Variants in RGMA observed in about 807,000 individuals in gnomAD.
RGMA encodes the protein repulsive guidance molecule A.
A neutral mutation model predicts 23.2 loss-of-function variants in RGMA; 10 were observed. That is an observed-to-expected ratio of 0.43 (90% CI 0.27 to 0.73). The LOEUF (loss-of-function observed/expected upper bound fraction) is 0.73, where lower values mean the gene tolerates loss of function less well. Among genes scored for constraint, RGMA ranks in the 30% least tolerant of loss-of-function variants. The pLI is 0.20. For synonymous variants in RGMA, 308 were observed against 279.3 expected (o/e 1.10, Z -1.03); for missense variants, 547 against 630.5 (o/e 0.87, Z 1.42).
rs1000597333 is a variant in RGMA at position 93,041,058 on chromosome 15, G to A, written c.*3940C>T. 1 of 152,228 alleles carries A rather than the reference G, an allele frequency of 6.6e-6. No homozygotes were observed. Among genetic ancestry groups the A allele is most frequent in the Non-Finnish European group, 1.5e-5 (1 of 68,076 alleles). 9.4% of individuals were successfully genotyped at this position (152,228 alleles called of 1,614,324 possible). On this transcript the variant is annotated 3_prime_UTR_variant, in exon 4 of 4. Coordinates refer to ENST00000329082, the MANE Select transcript of RGMA (RefSeq NM_020211.3). The stretch of plus-strand genomic sequence containing the variant: ...AGCCCAAGTGCCACCCCTGCTCCAT[G>A]CCACTTGCTGGCACAGCTCTGATGA...
In RGMA at chr15:93,045,238, C is replaced by A; in HGVS notation, c.1113G>T (p.Glu371Asp). Residue 371 changes from glutamate (E) to aspartate (D), a missense_variant, in exon 4 of 4, where the codon GAG (glutamate) becomes GAT (aspartate). Around this residue, in one of 3 missense-constraint regions of RGMA, gnomAD observed 205 missense variants for 204.1 expected, o/e 1.00. Coordinates refer to ENST00000329082, the MANE Select transcript of RGMA (RefSeq NM_020211.3). The surrounding 1 kb of genome is among the most constrained non-coding windows in gnomAD (Gnocchi z 6.9). Reference sequence around the variant, plus strand: ...AGACGCAGGCCTGGTAGTACAGGTCCTCCACCGGCAGCTTCTCCTTGCACT... The same window carrying A: ...AGACGCAGGCCTGGTAGTACAGGTCATCCACCGGCAGCTTCTCCTTGCACT... ...VAKCKEKLPV[E>D]DLYYQACVFD... 1 of 1,613,030 alleles carries A rather than the reference C, an allele frequency of 6.2e-7. No individual in the cohort carries two copies. Among genetic ancestry groups the A allele is most frequent in the South Asian group, 1.1e-5 (1 of 90,932 alleles).
At chr15:93,082,170 G>C (rs1596108325) in intron 1 of RGMA, among the ~76,000 whole-genome samples, 3 of 152,206 alleles carry the variant, frequency 2.0e-5, no homozygotes, top group Admixed American at 2.0e-4. Context: ...TTTATATCAT[G>C]GACAGGAACT....
intron 2 of RGMA, among the ~76,000 whole-genome samples, chr15:93,059,924 G>C (rs1472022471): frequency 6.6e-6 from 1 of 152,224 alleles, no homozygotes; most frequent in Non-Finnish European, 1.5e-5. Context: ...AGGAAAGTTT[G>C]AGCTGAAAAA....
intron 3 of RGMA, among the ~76,000 whole-genome samples, chr15:93,046,450 A>G (rs1169597782): frequency 6.6e-6 from 1 of 152,178 alleles, no homozygotes; most frequent in Non-Finnish European, 1.5e-5. Context: ...CAATTATAAA[A>G]CATTTCTGTT....
Position 93,037,619 on chromosome 15 carries a change from T to C in RGMA, c.*7379A>G, listed in dbSNP as rs1479593357. On this transcript the variant is annotated 3_prime_UTR_variant, in exon 4 of 4. Coordinates refer to ENST00000329082, the MANE Select transcript of RGMA (RefSeq NM_020211.3). This position sits in a 1 kb window ranked among gnomAD's most constrained non-coding sequence, Gnocchi z 4.3. ...GCCCCTTCTCTGTAACAGCTGACGC[T>C]GGCCTTGTTGCACAGATGGAGCTCA... The C allele has an allele frequency of 1.3e-5, 2 of 152,294 alleles. No individual in the cohort carries two copies. Among genetic ancestry groups the C allele is most frequent in the African/African-American group, 2.4e-5 (1 of 41,464 alleles). The allele number at this position is 152,294 out of a possible 1,614,324, so 9.4% of individuals were successfully genotyped here.
chr15:93,067,093 G>C (rs993468002), intron 2 of RGMA, among the ~76,000 whole-genome samples: 1 of 152,212 alleles, frequency 6.6e-6, no homozygotes, highest in Non-Finnish European at 1.5e-5. Flanking sequence ...TGGAGAGAAG[G>C]ATATAAAGGT....
chr15:93,067,545 T>G (rs1339128136), intron 2 of RGMA, among the ~76,000 whole-genome samples: 1 of 151,398 alleles, frequency 6.6e-6, no homozygotes, highest in Non-Finnish European at 1.5e-5. Context: ...AGGTAACAGG[T>G]GTCCCCGGCG....
At chr15:93,047,179 G>C (rs533308743) in intron 3 of RGMA, among the ~76,000 whole-genome samples, 1 of 152,338 alleles carries the variant, frequency 6.6e-6, no homozygotes, top group Non-Finnish European at 1.5e-5. Flanking sequence ...AGGAGGGCCG[G>C]TGGCCAGGGG....
chr15:93,064,652 G>C (rs770911081), intron 2 of RGMA, among the ~76,000 whole-genome samples: 27 of 152,378 alleles, frequency 1.8e-4, no homozygotes, highest in Admixed American at 1.1e-3. Flanking sequence ...CCTAGGTGCG[G>C]AGGCATCACT....
In RGMA at chr15:93,073,468, C is replaced by G. The variant is rs982594437; in HGVS notation, c.15-437G>C. Reference sequence around the variant, plus strand: ...CAGGCCCAGCACCCTTGGGAGGCCGCAGGGCATGAGGCGGGGCAGGACGCC... The same window carrying G: ...CAGGCCCAGCACCCTTGGGAGGCCGGAGGGCATGAGGCGGGGCAGGACGCC... On this transcript the variant is annotated intron_variant, in intron 1 of 3. Coordinates refer to ENST00000329082, the MANE Select transcript of RGMA (RefSeq NM_020211.3). 5 of 1,094,618 alleles carry G rather than the reference C, an allele frequency of 4.6e-6. No individual in the cohort carries two copies. In the African/African-American group the frequency reaches 7.9e-5, roughly 17 times the overall value. 67.8% of individuals were successfully genotyped at this position (1,094,618 alleles called of 1,614,324 possible). A position where few individuals can be genotyped will look rare whatever the true frequency, so the allele number is the denominator to read the frequency against.
intron 3 of RGMA, among the ~76,000 whole-genome samples, chr15:93,050,015 A>T (rs1027522904): frequency 6.6e-6 from 1 of 151,712 alleles, no homozygotes; most frequent in African/African-American, 2.4e-5. Flanking sequence ...TTGGATGTCG[A>T]CTCCTCTGTT....
chr15:93,066,457 C>A (rs956812390), intron 2 of RGMA: 1 of 580,632 alleles, frequency 1.7e-6, no homozygotes, highest in Non-Finnish European at 3.2e-6. Context: ...CGGGTTGCCA[C>A]GGGTGCGGGG....
At chr15:93,081,026 G>C (rs547360893) in intron 1 of RGMA, among the ~76,000 whole-genome samples, 2 of 152,180 alleles carry the variant, frequency 1.3e-5, no homozygotes, top group African/African-American at 2.4e-5. Flanking sequence ...TTTATGAATT[G>C]CTTAATTGTC....
At chr15:93,069,064 T>C (rs1895241333) in intron 2 of RGMA, among the ~76,000 whole-genome samples, 1 of 152,158 alleles carries the variant, frequency 6.6e-6, no homozygotes, top group South Asian at 2.1e-4. Context: ...AAAGTCCTAC[T>C]GGGAGAGCAA....
At position 93,040,645 on chromosome 15, in the gene RGMA, T is replaced by C. The variant is rs1039007623; in HGVS notation, c.*4353A>G. The C allele has an allele frequency of 6.6e-6, 1 of 152,206 alleles. No homozygotes were observed. Among genetic ancestry groups the C allele is most frequent in the Non-Finnish European group, 1.5e-5 (1 of 68,064 alleles). The allele number at this position is 152,206 out of a possible 1,614,324, so 9.4% of individuals were successfully genotyped here. On this transcript the variant is annotated 3_prime_UTR_variant, in exon 4 of 4. Transcript: ENST00000329082. ...CTTCCCTTTTCTCTGTGGAGCTCGT[T>C]ACCATGGGACCCTGGGTTTTGTAAC...
chr15:93,043,234 G>GCACA lies in RGMA; in HGVS notation c.*1763_*1764insTGTG. The GCACA allele has an allele frequency of 4.0e-5, 1 of 25,296 alleles. No individual in the cohort carries two copies. Among genetic ancestry groups the GCACA allele is most frequent in the African/African-American group, 1.1e-4 (1 of 9,494 alleles). 1.6% of individuals were successfully genotyped at this position (25,296 alleles called of 1,614,324 possible). A position where few individuals can be genotyped will look rare whatever the true frequency, so the allele number is the denominator to read the frequency against. On this transcript the variant is annotated 3_prime_UTR_variant, in exon 4 of 4. Transcript: ENST00000329082. ...CACACACAGGCATGCGCACACATGC[G>GCACA]TACATGCACGCACACAGGCACGCAC...
rs1471553159 is a variant in RGMA, at chr15:93,038,569, G to GTTGTTGTTTTTTT, written c.*6428_*6429insAAAAAAACAACAA. On this transcript the variant is annotated 3_prime_UTR_variant, in exon 4 of 4. Transcript: ENST00000329082. ...GCCTTAATGAACGAAACTGTTAGTT[G>GTTGTTGTTTTTTT]TTTTTTTTTTTTTTTTGAGACGGTG... The GTTGTTGTTTTTTT allele has an allele frequency of 1.0e-4, 10 of 100,238 alleles. No homozygotes were observed. The highest frequency in any genetic ancestry group is 3.2e-4 in the African/African-American group (10 of 30,896). The allele number at this position is 100,238 out of a possible 1,614,324, so 6.2% of individuals were successfully genotyped here.
chr15:93,058,846 T>C (rs1023364615), intron 2 of RGMA, among the ~76,000 whole-genome samples: 1 of 152,172 alleles, frequency 6.6e-6, no homozygotes, highest in Non-Finnish European at 1.5e-5. Flanking sequence ...AGTTCTTGTC[T>C]TGGGGGCCTC....
intron 2 of RGMA, among the ~76,000 whole-genome samples, chr15:93,071,766 A>G (rs1224377352): frequency 6.6e-6 from 1 of 152,168 alleles, no homozygotes; most frequent in Non-Finnish European, 1.5e-5. Flanking sequence ...AAATAACCCA[A>G]TCCGAGTCTA....
Sources: allele counts gnomAD v4.1 joint callset (sites outside exome capture counted in the v4.1 genomes callset), GRCh38; gene constraint gnomAD v4.1.1; regional missense constraint gnomAD v4.1.1; non-coding constraint Gnocchi (gnomAD v3.1); transcripts MANE v1.5; gene names NCBI Gene and HGNC (gene_info 2026-07-23, HGNC 2026-07-21).